Variants in MYT1L observed in about 807,000 individuals in gnomAD.
The protein encoded by MYT1L is myelin transcription factor 1 like.
Under a neutral mutation model 126.7 loss-of-function variants are expected in MYT1L, and 12 were observed. That is an observed-to-expected ratio of 0.09 (90% confidence interval 0.06 to 0.15). The LOEUF (loss-of-function observed/expected upper bound fraction) is 0.15, where lower values mean the gene tolerates loss of function less well. MYT1L is among the 10% of genes least tolerant of loss of function. The pLI is 1.00. For missense variants in MYT1L, 979 were observed against 1,585.2 expected, an observed-to-expected ratio of 0.62 and a Z score of 6.49; for synonymous variants, 541 against 604.2, an observed-to-expected ratio of 0.90 and a Z score of 1.53.
chr2:1,913,514 A>C (rs1040552278), intron 11 of MYT1L, among the ~76,000 whole-genome samples: 2 of 152,084 alleles, frequency 1.3e-5, no homozygotes, highest in African/African-American at 4.8e-5. Flanking sequence ...TCCAGGAAGC[A>C]TGTGCGTGGT....
intron 3 of MYT1L, among the ~76,000 whole-genome samples, chr2:2,152,833 A>G (rs570816250): frequency 6.6e-6 from 1 of 152,230 alleles, no homozygotes; most frequent in Admixed American, 6.5e-5. Flanking sequence ...AGTTCCTTGG[A>G]GGGGTCCATG....
At chr2:2,271,139 T>C (rs2095256056) in intron 2 of MYT1L, among the ~76,000 whole-genome samples, 1 of 152,184 alleles carries the variant, frequency 6.6e-6, no homozygotes, top group Non-Finnish European at 1.5e-5. Context: ...AGCAAGGAAC[T>C]GACAAGTAAC....
intron 13 of MYT1L, among the ~76,000 whole-genome samples, chr2:1,906,844 G>A (rs1001579817): frequency 2.0e-5 from 3 of 151,944 alleles, no homozygotes; most frequent in East Asian, 3.9e-4. Context: ...TTGAGAGGCT[G>A]AGCCAGGAGG....
intron 3 of MYT1L, among the ~76,000 whole-genome samples, chr2:2,082,854 T>C (rs2075984298): frequency 6.6e-6 from 1 of 152,148 alleles, no homozygotes; most frequent in Non-Finnish European, 1.5e-5. Context: ...CCCACCTCCC[T>C]AAGCAATCTC....
chr2:2,194,505 G>A (rs555794338), intron 2 of MYT1L, among the ~76,000 whole-genome samples: 7 of 152,138 alleles, frequency 4.6e-5, no homozygotes, highest in Admixed American at 3.3e-4. Flanking sequence ...AGAAAGGTGC[G>A]ACATTCCTCT....
intron 8 of MYT1L, among the ~76,000 whole-genome samples, chr2:1,973,654 T>A (rs957693006): frequency 6.6e-6 from 1 of 152,208 alleles, no homozygotes; most frequent in Non-Finnish European, 1.5e-5. Flanking sequence ...CACTAAACAA[T>A]CACCTACACA....
intron 2 of MYT1L, among the ~76,000 whole-genome samples, chr2:2,257,920 A>G (rs370896581): frequency 0.011 from 1,539 of 139,580 alleles, 38 homozygotes; most frequent in African/African-American, 0.041. Context: ...ACCAAAAAAG[A>G]GCCCGCATCG....
At chr2:1,794,308 C>G (rs1201334057) in intron 23 of MYT1L, among the ~76,000 whole-genome samples, 3 of 152,260 alleles carry the variant, frequency 2.0e-5, no homozygotes, top group Non-Finnish European at 2.9e-5. Context: ...CCCAGCTCGC[C>G]TCTGGTTGAG....
chr2:2,061,994 G>A (rs115332709), intron 3 of MYT1L, among the ~76,000 whole-genome samples: 464 of 152,256 alleles, frequency 3.0e-3, no homozygotes, highest in African/African-American at 0.011. Flanking sequence ...GACCCTACAC[G>A]AATGCGTCTC....
chr2:1,855,607 A>G (rs754342521), intron 18 of MYT1L, among the ~76,000 whole-genome samples: 3 of 152,246 alleles, frequency 2.0e-5, no homozygotes, highest in Non-Finnish European at 4.4e-5. Flanking sequence ...CAGCAAGGCT[A>G]TTTTAAGTTC....
chr2:1,828,545 C>G (rs2039684141), intron 21 of MYT1L: 1 of 152,246 alleles, frequency 6.6e-6, no homozygotes, highest in Non-Finnish European at 1.5e-5. Context: ...TCCCTGTTGC[C>G]TGTCCAGCAC....
intron 3 of MYT1L, among the ~76,000 whole-genome samples, chr2:2,112,744 C>T (rs577917824): frequency 6.6e-6 from 1 of 152,342 alleles, no homozygotes; most frequent in African/African-American, 2.4e-5. Flanking sequence ...ACTAAGAAAG[C>T]ATTGGCCACT....
intron 18 of MYT1L, among the ~76,000 whole-genome samples, chr2:1,856,763 G>T (rs766435894): frequency 6.6e-6 from 1 of 152,222 alleles, no homozygotes; most frequent in Non-Finnish European, 1.5e-5. Flanking sequence ...AGCACGACAT[G>T]CTCTTCAGGA....
chr2:1,903,463 T>C (rs1481122360), intron 13 of MYT1L, among the ~76,000 whole-genome samples, 169 bp from the exon 14 acceptor site: 2 of 152,220 alleles, frequency 1.3e-5, no homozygotes, highest in African/African-American at 2.4e-5. Context: ...AAAATGTCTT[T>C]TAATTATATA....
chr2:2,143,920 G>A (rs1182719606), intron 3 of MYT1L, among the ~76,000 whole-genome samples: 2 of 149,746 alleles, frequency 1.3e-5, no homozygotes, highest in South Asian at 2.1e-4. Context: ...CCGGATACTC[G>A]TCGGCATAAA....
chr2:2,010,276 C>A (rs551336484), intron 4 of MYT1L, among the ~76,000 whole-genome samples: 94 of 152,218 alleles, frequency 6.2e-4, no homozygotes, highest in African/African-American at 2.2e-3. Context: ...CCTAAATGAC[C>A]CTTCAGGTCT....
At chr2:2,151,413 T>C (rs1159559801) in intron 3 of MYT1L, among the ~76,000 whole-genome samples, 7 of 148,700 alleles carry the variant, frequency 4.7e-5, no homozygotes, top group Non-Finnish European at 8.9e-5. Context: ...ACACCGAGAG[T>C]ACTTTCAGGA....
chr2:2,054,926 G>T (rs1451261224), intron 3 of MYT1L, among the ~76,000 whole-genome samples: 1 of 151,894 alleles, frequency 6.6e-6, no homozygotes, highest in Non-Finnish European at 1.5e-5. Context: ...TGAACACATG[G>T]AGATGAGATA....
intron 2 of MYT1L, among the ~76,000 whole-genome samples, chr2:2,277,340 T>C (rs186260640): frequency 6.6e-6 from 1 of 152,324 alleles, no homozygotes; most frequent in East Asian, 1.9e-4. Context: ...CCGATGGTGA[T>C]TTGCACAAAG....
Sources: allele counts gnomAD v4.1 joint callset (sites outside exome capture counted in the v4.1 genomes callset), GRCh38; gene constraint gnomAD v4.1.1; transcripts MANE v1.5; gene names NCBI Gene and HGNC (gene_info 2026-07-23, HGNC 2026-07-21).